The following RB1CC1 variants were observed in gnomAD, a reference collection of about 807,000 sequenced individuals.
RB1CC1 encodes the protein RB1 inducible coiled-coil 1.
RB1CC1 carries 46 observed loss-of-function variants against 177.5 expected under a neutral mutation model. That is an observed-to-expected ratio of 0.26 (90% CI 0.20 to 0.33). The LOEUF is 0.33. Ranked by LOEUF, RB1CC1 falls within the 10% of genes least tolerant of loss-of-function variation. The pLI is 1.00. For missense variants in RB1CC1, 1,703 were observed against 1,816.3 expected (o/e 0.94, Z 1.13); for synonymous variants, 666 against 613.6 (o/e 1.09, Z -1.26).
chr8:52,698,669 GGTTTTTTTTTTTTTT>G (rs1855698533), intron 1 of RB1CC1, among the ~76,000 whole-genome samples: 1 of 22,782 alleles, frequency 4.4e-5, no homozygotes, highest in Admixed American at 4.7e-4. Context: ...TGTAATGGTT[GGTTTTTTTTTTTTTT>G]TTTTTTTTTT....
intron 15 of RB1CC1, among the ~76,000 whole-genome samples, chr8:52,646,840 T>G (rs926295947): frequency 6.6e-6 from 1 of 152,144 alleles, no homozygotes; most frequent in East Asian, 1.9e-4. Context: ...TTATCTACTT[T>G]CAACTTAATC....
intron 5 of RB1CC1, among the ~76,000 whole-genome samples, chr8:52,677,794 G>GA (rs370204404): frequency 4.6e-5 from 7 of 151,958 alleles, no homozygotes. Context: ...ATAGAGTGGG[G>GA]AAAAAAACTC....
At chr8:52,637,661 T>C (rs572643678) in intron 18 of RB1CC1, among the ~76,000 whole-genome samples, 45 of 150,744 alleles carry the variant, frequency 3.0e-4, no homozygotes, top group Admixed American at 1.2e-3. Context: ...CTAGATGCAT[T>C]TATTTATTTA....
chr8:52,669,524 G>T (rs528335915), intron 7 of RB1CC1, among the ~76,000 whole-genome samples: 1 of 152,212 alleles, frequency 6.6e-6, no homozygotes, highest in Non-Finnish European at 1.5e-5. Context: ...TTATTATCAA[G>T]AATCCAGTGT....
chr8:52,708,870 A>G (rs1226115554), intron 1 of RB1CC1, among the ~76,000 whole-genome samples: 8 of 152,214 alleles, frequency 5.3e-5, no homozygotes, highest in African/African-American at 1.9e-4. Flanking sequence ...ATTGCTAATA[A>G]CTGCAGTTTA....
chr8:52,701,126 CTT>C (rs200034490), intron 1 of RB1CC1, among the ~76,000 whole-genome samples: 1 of 144,960 alleles, frequency 6.9e-6, no homozygotes, highest in Admixed American at 6.9e-5. Flanking sequence ...AGGACCAGAT[CTT>C]TTTTTTTTTT....
At chr8:52,628,195 A>C (rs1442566541) in intron 21 of RB1CC1, 27 bp from the exon 22 acceptor site, 4 of 1,593,340 alleles carry the variant, frequency 2.5e-6, no homozygotes, top group South Asian at 1.1e-5. Flanking sequence ...AATTTTATTG[A>C]CTTAGAGTTA....
chr8:52,641,445 C>T (rs1257216304), intron 18 of RB1CC1, among the ~76,000 whole-genome samples: 2 of 151,036 alleles, frequency 1.3e-5, no homozygotes, highest in Non-Finnish European at 3.0e-5. Flanking sequence ...CCAAAGCAAC[C>T]CTGCTGGTGT....
At chr8:52,628,004 T>C (rs1848515011) in intron 22 of RB1CC1, 28 bp downstream of exon 22, 1 of 1,528,380 alleles carries the variant, frequency 6.5e-7, no homozygotes, top group African/African-American at 1.4e-5. Flanking sequence ...ATTCCAGGTT[T>C]ATATTTTAGT....
In RB1CC1 at chr8:52,680,442, GAC is replaced by G. The variant is rs1853590693; in HGVS notation, c.369+3105_369+3106del. Among the ~76,000 whole-genome samples, 3 of 152,278 alleles carry G rather than the reference GAC, an allele frequency of 2.0e-5. No homozygotes were observed. In the South Asian group the frequency reaches 6.2e-4, roughly 32 times the overall value. On this transcript the variant is annotated intron_variant, in intron 5 of 23. Coordinates refer to ENST00000025008, the MANE Select transcript of RB1CC1 (RefSeq NM_014781.5). Reference sequence around the variant, plus strand: ...GATAGCTAATATATGGAAGAAAAAAGACAGTGTGCACTGAGTCCATTTCAAGA... The same window carrying G: ...GATAGCTAATATATGGAAGAAAAAAGAGTGTGCACTGAGTCCATTTCAAGA...
In RB1CC1 at chr8:52,623,529, C is replaced by T. The variant is rs2150361375; in HGVS notation, c.*253G>A. On this transcript the variant is annotated 3_prime_UTR_variant, in exon 24 of 24. Transcript: ENST00000025008. The stretch of plus-strand genomic sequence containing the variant: ...CTTTGAGAAAATGAAGTAGTTTGGT[C>T]CGCATTTCTAGAGTTGTCTGGGTAA... 1 of 456,468 alleles carries T rather than the reference C, an allele frequency of 2.2e-6. No individual in the cohort carries two copies. Among genetic ancestry groups the T allele is most frequent in the East Asian group, 4.7e-5 (1 of 21,148 alleles). The allele number at this position is 456,468 out of a possible 1,614,324, so 28.3% of individuals were successfully genotyped here.
At chr8:52,696,985 GGAGA>G (rs1237249446) in intron 1 of RB1CC1, among the ~76,000 whole-genome samples, 1 of 151,876 alleles carries the variant, frequency 6.6e-6, no homozygotes, top group Non-Finnish European at 1.5e-5. Context: ...CCTGGGCAAG[GGAGA>G]GAGACCGTCT....
rs763143101 is a variant in RB1CC1 at position 52,674,129 on chromosome 8, G to C, written c.718C>G (p.Leu240Val). 2.5e-5 allele frequency: 41 copies of C among 1,613,990 alleles called. No individual in the cohort carries two copies. The highest frequency in any genetic ancestry group is 3.4e-5 in the Non-Finnish European group (40 of 1,179,982). Residue 240 changes from leucine (L) to valine (V), a missense_variant, in exon 7 of 24, where the codon CTG (leucine) becomes GTG (valine). By Grantham distance (32) the Leu-to-Val change is conservative. Around this residue, in one of 6 missense-constraint regions of RB1CC1, gnomAD observed 315 missense variants for 304.9 expected, o/e 1.03. Coordinates refer to ENST00000025008, the MANE Select transcript of RB1CC1 (RefSeq NM_014781.5). ...EKAEMKRSTE[L>V]VLSPDMPRTT... is the part of the protein sequence containing the mutation. The stretch of plus-strand genomic sequence containing the variant: ...CTAGGCATATCAGGAGAGAGCACCA[G>C]TTCAGTGGATCTTTTCATCTCAGCT...
At chr8:52,634,645 G>C (rs886387701) in intron 20 of RB1CC1, among the ~76,000 whole-genome samples, 1 of 152,128 alleles carries the variant, frequency 6.6e-6, no homozygotes, top group Non-Finnish European at 1.5e-5. Flanking sequence ...AAGAATCTTA[G>C]GTGCTTCAAC....
chr8:52,652,705 T>C (rs901858722), intron 15 of RB1CC1, among the ~76,000 whole-genome samples: 2 of 152,176 alleles, frequency 1.3e-5, no homozygotes, highest in Non-Finnish European at 1.5e-5. Context: ...ACAGATTATA[T>C]GAATAAGTCT....
chr8:52,641,471 T>C (rs1019239637), intron 18 of RB1CC1, among the ~76,000 whole-genome samples: 10 of 152,074 alleles, frequency 6.6e-5, no homozygotes, highest in Non-Finnish European at 1.5e-4. Flanking sequence ...AACTGTTGTC[T>C]TGTTATCATA....
chr8:52,702,173 G>A (rs1856141652), intron 1 of RB1CC1, among the ~76,000 whole-genome samples: 1 of 152,200 alleles, frequency 6.6e-6, no homozygotes, highest in Non-Finnish European at 1.5e-5. Flanking sequence ...ATGTGGTCAT[G>A]TAATAAAGCT....
At chr8:52,650,595 A>G (rs1850480257) in intron 15 of RB1CC1, among the ~76,000 whole-genome samples, 1 of 152,172 alleles carries the variant, frequency 6.6e-6, no homozygotes, top group African/African-American at 2.4e-5. Flanking sequence ...GAAATATTTA[A>G]AAGTGGTTGT....
chr8:52,633,000 G>A (rs1848872260), intron 20 of RB1CC1, among the ~76,000 whole-genome samples: 2 of 152,158 alleles, frequency 1.3e-5, no homozygotes, highest in African/African-American at 4.8e-5. Flanking sequence ...TCAGTGAAAG[G>A]CTAATCACAG....
Sources: gnomAD v4.1 joint callset for allele counts (sites outside exome capture counted in the v4.1 genomes callset) on GRCh38, gnomAD v4.1.1 for gene constraint, gnomAD v4.1.1 regional missense constraint, MANE v1.5 for transcripts, NCBI Gene and HGNC (gene_info 2026-07-23, HGNC 2026-07-21) for gene names.